ZFX: variants seen among roughly 807,000 people sequenced by gnomAD.
ZFX encodes the protein zinc finger X-chromosomal protein.
For missense variants in ZFX, 362 were observed against 628.3 expected, an observed-to-expected ratio of 0.58 and a Z score of 4.53; for synonymous variants, 196 against 226.8, an observed-to-expected ratio of 0.86 and a Z score of 1.22.
intron 3 of ZFX, among the ~76,000 whole-genome samples, chrX:24,166,883 G>A (rs1325429446): frequency 8.9e-6 from 1 of 111,993 alleles, no homozygotes; most frequent in Non-Finnish European, 1.9e-5. Flanking sequence ...CTTAGTGAAC[G>A]TGTGACCTTA....
chrX:24,200,723 T>A (rs1259879085), intron 5 of ZFX, among the ~76,000 whole-genome samples: 1 of 111,957 alleles, frequency 8.9e-6, no homozygotes, highest in Non-Finnish European at 1.9e-5. Context: ...TTTCAGAAGA[T>A]GAAGATAAAG....
At chrX:24,201,090 A>G (rs1432307174) in intron 5 of ZFX, among the ~76,000 whole-genome samples, 3 of 112,172 alleles carry the variant, frequency 2.7e-5, no homozygotes, top group African/African-American at 6.5e-5. Flanking sequence ...TTAGAAATTC[A>G]TTTTTAATAA....
rs1042090408 is a variant in ZFX at position 24,211,895 on chromosome X, A to G, written c.*519A>G. 6 of 113,464 alleles carry G rather than the reference A, an allele frequency of 5.3e-5. No individual in the cohort carries two copies. The highest frequency in any genetic ancestry group is 1.6e-4 in the African/African-American group (5 of 30,896). The allele number at this position is 113,464 out of a possible 1,213,427, so 9.4% of individuals were successfully genotyped here. A position where few individuals can be genotyped will look rare whatever the true frequency, so the allele number is the denominator to read the frequency against. The stretch of plus-strand genomic sequence containing the variant: ...TACTTGTCTTGCTTAATATTTTCAG[A>G]CCACTTGACAGTGAAAGTTTCCATT... On this transcript the variant is annotated 3_prime_UTR_variant, in exon 10 of 10. Transcript: ENST00000304543.
At chrX:24,179,010 G>A (rs1210303198) in intron 4 of ZFX, among the ~76,000 whole-genome samples, 173 bp from the exon 5 acceptor site, 1 of 111,880 alleles carries the variant, frequency 8.9e-6, no homozygotes, top group Non-Finnish European at 1.9e-5. Context: ...AAAGTTCTTG[G>A]GTTAAAAACA....
intron 5 of ZFX, among the ~76,000 whole-genome samples, chrX:24,198,467 C>G (rs948585308): frequency 5.9e-5 from 6 of 102,455 alleles, no homozygotes; most frequent in African/African-American, 2.2e-4. Context: ...AGGCGTGAGC[C>G]ACTGCACCTG....
intron 5 of ZFX, among the ~76,000 whole-genome samples, chrX:24,189,229 G>A (rs1439280758): frequency 9.0e-6 from 1 of 111,461 alleles, no homozygotes; most frequent in Non-Finnish European, 1.9e-5. Flanking sequence ...TTGAGGAAGA[G>A]GGGAGGGTTT....
At position 24,211,207 on chromosome X, in the gene ZFX, A is replaced by C. The variant is rs1938056188; in HGVS notation, c.2249A>C (p.Glu750Ala). Residue 750 changes from glutamate (E) to alanine (A), a missense_variant, in exon 10 of 10, where the codon GAG (glutamate) becomes GCG (alanine). Physicochemically the swap from Glu to Ala is moderately radical, Grantham distance 107. Transcript: ENST00000304543. ...AGTGGCAGGAAAGTGTATCAGTGTG[A>C]GTACTGTGAGTATAGCACTACAGAT... The part of the protein sequence containing the change: ...THSGRKVYQC[E>A]YCEYSTTDAS... 1 of 1,212,274 alleles carries C rather than the reference A, an allele frequency of 8.2e-7. No homozygotes were observed.
intron 5 of ZFX, among the ~76,000 whole-genome samples, chrX:24,203,947 G>T (rs1288988347): frequency 6.2e-5 from 7 of 112,278 alleles, no homozygotes. Flanking sequence ...ACATAAATAA[G>T]CTTTTGCTTT....
intron 8 of ZFX, 143 bp from the exon 9 acceptor site, chrX:24,208,757 A>AT (rs909775086): frequency 2.2e-4 from 149 of 671,963 alleles, no homozygotes; most frequent in Non-Finnish European, 2.9e-4. Flanking sequence ...AAATGTGCTC[A>AT]TAAAACCCAT....
At chrX:24,208,426 A>G (rs1343219341) in intron 8 of ZFX, 56 bp downstream of exon 8, 4 of 1,178,957 alleles carry the variant, frequency 3.4e-6, no homozygotes, top group South Asian at 1.9e-5. Context: ...ACATGAATCC[A>G]TGATTGAAAA....
chrX:24,190,563 A>G (rs989365004), intron 5 of ZFX, among the ~76,000 whole-genome samples: 2 of 112,304 alleles, frequency 1.8e-5, no homozygotes, highest in Admixed American at 1.9e-4. Context: ...CATTACAAGC[A>G]ATTGGAGCTT....
chrX:24,180,403 G>T (rs1467154027), intron 5 of ZFX, among the ~76,000 whole-genome samples: 1 of 107,152 alleles, frequency 9.3e-6, no homozygotes, highest in Non-Finnish European at 1.9e-5. Context: ...TTTTTCGGAG[G>T]GAGAGTCTTG....
At chrX:24,163,268 T>G (rs1196298819) in intron 3 of ZFX, among the ~76,000 whole-genome samples, 1 of 104,425 alleles carries the variant, frequency 9.6e-6, no homozygotes, top group Non-Finnish European at 2.0e-5. Context: ...CTTTTTTTTT[T>G]TTTTTTTTTT....
chrX:24,201,262 A>G (rs912775614), intron 5 of ZFX, among the ~76,000 whole-genome samples: 1 of 112,704 alleles, frequency 8.9e-6, no homozygotes, highest in African/African-American at 3.2e-5. Context: ...GGTGAATTAT[A>G]TTTATGTAAT....
intron 3 of ZFX, among the ~76,000 whole-genome samples, chrX:24,158,344 C>T (rs920190536): frequency 9.2e-6 from 1 of 108,837 alleles, no homozygotes; most frequent in Non-Finnish European, 1.9e-5. Flanking sequence ...TTGTCTCAAA[C>T]AAACAAACAA....
chrX:24,207,896 C>T (rs776083169), intron 7 of ZFX, 41 bp downstream of exon 7: 22 of 1,190,633 alleles, frequency 1.8e-5, no homozygotes, highest in Non-Finnish European at 2.3e-5. Context: ...TTTTATGTTT[C>T]TGGAGCTTTT....
At chrX:24,157,673 G>A (rs1932869811) in intron 3 of ZFX, among the ~76,000 whole-genome samples, 1 of 112,227 alleles carries the variant, frequency 8.9e-6, no homozygotes, top group African/African-American at 3.2e-5. Context: ...CACTCTTATT[G>A]GCAGAGCACA....
chrX:24,163,136 GT>G (rs1047524864), intron 3 of ZFX, among the ~76,000 whole-genome samples: 35 of 95,647 alleles, frequency 3.7e-4, no homozygotes, highest in Admixed American at 5.8e-4. Context: ...AATATCAGGC[GT>G]TTTTTTTTTT....
Position 24,151,771 on chromosome X carries a change from T to G in ZFX, c.-169T>G, listed in dbSNP as rs1932181295. 1 of 111,967 alleles carries G rather than the reference T, an allele frequency of 8.9e-6. No individual in the cohort carries two copies. The highest frequency in any genetic ancestry group is 1.9e-5 in the Non-Finnish European group (1 of 53,256). The allele number at this position is 111,967 out of a possible 1,213,427, so 9.2% of individuals were successfully genotyped here. On this transcript the variant is annotated 5_prime_UTR_variant, in exon 2 of 10. Transcript: ENST00000304543. The stretch of plus-strand genomic sequence containing the variant: ...CCGCCTCCCACTGCCCGCCTGTCAC[T>G]GCCGTCTGTTCCCTGAGCTGTGCTT...
Sources: gnomAD v4.1 joint callset for allele counts (sites outside exome capture counted in the v4.1 genomes callset) on GRCh38, gnomAD v4.1.1 for gene constraint, MANE v1.5 for transcripts, NCBI Gene and HGNC (gene_info 2026-07-23, HGNC 2026-07-21) for gene names.